TAFA5: variants seen among roughly 807,000 people sequenced by gnomAD.
TAFA5 encodes the protein chemokine-like protein TAFA-5.
A neutral mutation model predicts 15.3 loss-of-function variants in TAFA5; 6 were observed. That is an observed-to-expected ratio of 0.39 (90% CI 0.21 to 0.77). The LOEUF (loss-of-function observed/expected upper bound fraction) is 0.77, where lower values mean the gene tolerates loss of function less well. Among genes scored for constraint, TAFA5 ranks in the 30% least tolerant of loss-of-function variants. The probability of loss-of-function intolerance (pLI) is 0.41; values close to 1 mark genes in which losing one functional copy is unlikely to be tolerated. For synonymous variants in TAFA5, 103 were observed against 80.7 expected (o/e 1.28, Z -1.48); for missense variants, 161 against 193.1 (o/e 0.83, Z 0.98).
At position 48,550,144 on chromosome 22, in the gene TAFA5, C is replaced by G. The variant is rs1359689552; in HGVS notation, c.112+60440C>G. Among the ~76,000 whole-genome samples, 1 of 152,198 alleles carries G rather than the reference C, an allele frequency of 6.6e-6. No individual in the cohort carries two copies. The highest frequency in any genetic ancestry group is 1.5e-5 in the Non-Finnish European group (1 of 68,042). On this transcript the variant is annotated intron_variant, in intron 1 of 3. Coordinates refer to ENST00000402357, the MANE Select transcript of TAFA5 (RefSeq NM_001082967.3). The surrounding 1 kb of genome is among the most constrained non-coding windows in gnomAD (Gnocchi z 4.1). Reference sequence around the variant, plus strand: ...GGTATGCTGGGCATGGGTGTAGCAGCCTGTGTGTGTCCACCCGAGGTGGCC... The same window carrying G: ...GGTATGCTGGGCATGGGTGTAGCAGGCTGTGTGTGTCCACCCGAGGTGGCC...
At chr22:48,706,477 C>G (rs574802815) in intron 2 of TAFA5, among the ~76,000 whole-genome samples, 2 of 152,188 alleles carry the variant, frequency 1.3e-5, no homozygotes, top group African/African-American at 4.8e-5. Flanking sequence ...CTCTCACCAG[C>G]GAGTGCAGTG....
intron 2 of TAFA5, among the ~76,000 whole-genome samples, chr22:48,702,677 T>C (rs1383453462): frequency 6.6e-6 from 1 of 152,158 alleles, no homozygotes; most frequent in Non-Finnish European, 1.5e-5. Flanking sequence ...CTCAGGAAGC[T>C]CTGTCAGCCC....
intron 1 of TAFA5, among the ~76,000 whole-genome samples, chr22:48,555,845 T>C (rs1923019476): frequency 6.6e-6 from 1 of 152,178 alleles, no homozygotes; most frequent in Non-Finnish European, 1.5e-5. Flanking sequence ...AAGCCATCTC[T>C]CAAGGAACAG....
intron 1 of TAFA5, among the ~76,000 whole-genome samples, chr22:48,577,760 C>A (rs928196555): frequency 6.6e-6 from 1 of 152,206 alleles, no homozygotes; most frequent in Non-Finnish European, 1.5e-5. Context: ...GCACCTAGTA[C>A]AGAGGAGGGC....
chr22:48,543,866 A>C (rs1922558579), intron 1 of TAFA5: 1 of 152,272 alleles, frequency 6.6e-6, no homozygotes, highest in Non-Finnish European at 1.5e-5. Flanking sequence ...TTTGACCCTC[A>C]TTCTCCACCT....
chr22:48,620,277 G>A (rs1040055110), intron 1 of TAFA5, among the ~76,000 whole-genome samples: 1 of 152,022 alleles, frequency 6.6e-6, no homozygotes, highest in Non-Finnish European at 1.5e-5. Context: ...CCTGACCCTT[G>A]GGTGGCATCT....
intron 3 of TAFA5, among the ~76,000 whole-genome samples, chr22:48,738,187 G>A (rs12166525): frequency 0.069 from 10,456 of 152,254 alleles, 402 homozygotes; most frequent in Admixed American, 0.082. Flanking sequence ...AGCCGAGCAC[G>A]GGGAGCCCAG....
intron 1 of TAFA5, among the ~76,000 whole-genome samples, chr22:48,543,116 C>T (rs932587789): frequency 2.6e-5 from 4 of 151,946 alleles, no homozygotes; most frequent in Non-Finnish European, 5.9e-5. Context: ...ACCTGGAGCC[C>T]TCCACGTCCT....
At chr22:48,704,224 G>A (rs1330093488) in intron 2 of TAFA5, among the ~76,000 whole-genome samples, 2 of 149,676 alleles carry the variant, frequency 1.3e-5, no homozygotes, top group East Asian at 1.9e-4. Flanking sequence ...ACACACACAC[G>A]ATGCTTTCTG....
At chr22:48,658,578 C>T (rs1367055629) in intron 2 of TAFA5, among the ~76,000 whole-genome samples, 1 of 152,222 alleles carries the variant, frequency 6.6e-6, no homozygotes, top group Non-Finnish European at 1.5e-5. Context: ...ATATGGATCA[C>T]CCCATTCATT....
At position 48,489,561 on chromosome 22, in the gene TAFA5, C is replaced by T; in HGVS notation, c.-32C>T. The T allele has an allele frequency of 1.5e-6, 2 of 1,333,942 alleles. No homozygotes were observed. The highest frequency in any genetic ancestry group is 2.0e-6 in the Non-Finnish European group (2 of 1,010,148). 82.6% of individuals were successfully genotyped at this position (1,333,942 alleles called of 1,614,324 possible). On this transcript the variant is annotated 5_prime_UTR_variant, in exon 1 of 4. Transcript: ENST00000402357. The surrounding 1 kb of genome is among the most constrained non-coding windows in gnomAD (Gnocchi z 5.5). Reference sequence around the variant, plus strand: ...GGGCAGGGCCGGCTGCTGAGACGCGCTGCTGCCCCCCGCGCGGGCGCCGCG... The same window carrying T: ...GGGCAGGGCCGGCTGCTGAGACGCGTTGCTGCCCCCCGCGCGGGCGCCGCG...
intron 2 of TAFA5, among the ~76,000 whole-genome samples, chr22:48,681,960 G>A (rs1183311397): frequency 8.4e-6 from 1 of 118,592 alleles, no homozygotes; most frequent in African/African-American, 2.7e-5. Flanking sequence ...GGGTACGGGA[G>A]CTCCCCGTCA....
At chr22:48,632,583 G>A (rs1926272092) in intron 1 of TAFA5, among the ~76,000 whole-genome samples, 1 of 152,190 alleles carries the variant, frequency 6.6e-6, no homozygotes, top group South Asian at 2.1e-4. Flanking sequence ...GAACGTGCCG[G>A]GCCCTGGAGA....
intron 1 of TAFA5, among the ~76,000 whole-genome samples, chr22:48,638,176 C>T (rs1329167472): frequency 2.0e-5 from 3 of 152,184 alleles, no homozygotes; most frequent in South Asian, 4.1e-4. Context: ...CTCACAACTT[C>T]GTCCTTGAGA....
chr22:48,516,521 T>C (rs1921414104), intron 1 of TAFA5, among the ~76,000 whole-genome samples: 1 of 152,226 alleles, frequency 6.6e-6, no homozygotes, highest in Admixed American at 6.5e-5. Flanking sequence ...CTGGTGGGCC[T>C]TTTCCCTGTT....
chr22:48,509,229 A>G (rs941737884), intron 1 of TAFA5, among the ~76,000 whole-genome samples: 5 of 152,128 alleles, frequency 3.3e-5, no homozygotes, highest in Non-Finnish European at 7.4e-5. Flanking sequence ...ACTTAGGCTG[A>G]TTCTGCGTCG....
At chr22:48,736,828 A>G (rs1930042913) in intron 3 of TAFA5, among the ~76,000 whole-genome samples, 1 of 152,208 alleles carries the variant, frequency 6.6e-6, no homozygotes, top group Admixed American at 6.5e-5. Flanking sequence ...GCCAGGGTCC[A>G]GGACGGAGAT....
rs1340935144 is a variant in TAFA5, at chr22:48,707,783, T to C, written c.329T>C (p.Leu110Ser). Reference sequence around the variant, plus strand: ...TGTCTGGAGGGGGAAGGCTGCGACTTGTTAATCAACCGGTCAGGCTGGACG... The same window carrying C: ...TGTCTGGAGGGGGAAGGCTGCGACTCGTTAATCAACCGGTCAGGCTGGACG... ...LPCLEGEGCD[L>S]LINRSGWTCT... is the part of the protein sequence containing the mutation. Residue 110 changes from leucine (L) to serine (S), a missense_variant, in exon 3 of 4, where the codon TTG (leucine) becomes TCG (serine). Transcript: ENST00000402357. 1 of 1,613,886 alleles carries C rather than the reference T, an allele frequency of 6.2e-7. No individual in the cohort carries two copies. Among genetic ancestry groups the C allele is most frequent in the East Asian group, 2.2e-5 (1 of 44,868 alleles).
chr22:48,619,667 G>T (rs1287465078), intron 1 of TAFA5, among the ~76,000 whole-genome samples: 3 of 152,222 alleles, frequency 2.0e-5, no homozygotes, highest in Non-Finnish European at 4.4e-5. Context: ...GGCAAAGACG[G>T]GCTGGCCCCA....
Sources: gnomAD v4.1 joint callset for allele counts (sites outside exome capture counted in the v4.1 genomes callset) on GRCh38, gnomAD v4.1.1 for gene constraint, Gnocchi (gnomAD v3.1) non-coding constraint, MANE v1.5 for transcripts, NCBI Gene and HGNC (gene_info 2026-07-23, HGNC 2026-07-21) for gene names.